PXK: variants seen among roughly 807,000 people sequenced by gnomAD.
PXK encodes PX domain-containing protein kinase-like protein.
A neutral mutation model predicts 84.7 loss-of-function variants in PXK; 35 were observed. The observed-to-expected ratio is 0.41, with a 90% confidence interval of 0.32 to 0.55. The LOEUF (loss-of-function observed/expected upper bound fraction) is 0.55. Ranked by LOEUF, PXK falls within the 20% of genes least tolerant of loss-of-function variation. The pLI is 0.21. For synonymous variants in PXK, 253 were observed against 260.8 expected, an observed-to-expected ratio of 0.97 and a Z score of 0.29; for missense variants, 634 against 699.7, an observed-to-expected ratio of 0.91 and a Z score of 1.06.
Position 58,376,305 on chromosome 3 carries a change from C to T in PXK, c.202-6209C>T, listed in dbSNP as rs141176567. ...TGGCAGGCACCTGTAATCCCACTTACTCGGGAGGCTGAGGCAGGAGAATTA... is the reference window on the plus strand; with the variant it reads ...TGGCAGGCACCTGTAATCCCACTTATTCGGGAGGCTGAGGCAGGAGAATTA... On this transcript the variant is annotated intron_variant, in intron 3 of 17. Transcript: ENST00000356151. Among the ~76,000 whole-genome samples the T allele has an allele frequency of 8.3e-3, 1,262 of 152,124 alleles. 19 individuals are homozygous for T. Among genetic ancestry groups the T allele is most frequent in the African/African-American group, 0.029 (1,208 of 41,450 alleles).
intron 17 of PXK, chr3:58,413,410 T>C (rs917558966): frequency 5.5e-5 from 9 of 163,398 alleles, no homozygotes; most frequent in Non-Finnish European, 9.3e-5. Flanking sequence ...AAAGAGTCAC[T>C]GCGTTTCTGA....
At chr3:58,417,404 AG>A (rs2061148747) in intron 17 of PXK, among the ~76,000 whole-genome samples, 1 of 152,192 alleles carries the variant, frequency 6.6e-6, no homozygotes, top group South Asian at 2.1e-4. Flanking sequence ...TCAGTTTCTA[AG>A]TGAAGGGGTC....
chr3:58,372,674 T>A (rs2098392723), intron 3 of PXK, among the ~76,000 whole-genome samples: 1 of 151,790 alleles, frequency 6.6e-6, no homozygotes, highest in Non-Finnish European at 1.5e-5. Context: ...TCACCCAAAC[T>A]GGAATGCAGT....
chr3:58,355,807 C>T (rs2098064700), intron 1 of PXK, among the ~76,000 whole-genome samples: 1 of 152,200 alleles, frequency 6.6e-6, no homozygotes, highest in Admixed American at 6.5e-5. Flanking sequence ...CTAGTGAGGA[C>T]TCCCACCTTT....
chr3:58,409,115 T>A lies in PXK; in HGVS notation c.1308+114T>A. 1.3e-6 allele frequency: 1 copy of A among 797,800 alleles called. No individual in the cohort carries two copies. Among genetic ancestry groups the A allele is most frequent in the Non-Finnish European group, 2.0e-6 (1 of 493,732 alleles). 49.4% of individuals were successfully genotyped at this position (797,800 alleles called of 1,614,324 possible). On this transcript the variant is annotated intron_variant, in intron 14 of 17. Transcript: ENST00000356151. This position sits in a 1 kb window ranked among gnomAD's most constrained non-coding sequence, Gnocchi z 4.2. ...GCAAATATTTTAAGCATACTTACTCTCAGCCAGCCTTTAGGCTAAATGCTT... is the reference window on the plus strand; with the variant it reads ...GCAAATATTTTAAGCATACTTACTCACAGCCAGCCTTTAGGCTAAATGCTT...
At chr3:58,358,915 T>C (rs911089498) in intron 1 of PXK, among the ~76,000 whole-genome samples, 1 of 152,252 alleles carries the variant, frequency 6.6e-6, no homozygotes, top group African/African-American at 2.4e-5. Context: ...CCAAACATTA[T>C]TGCTTGTTTT....
intron 7 of PXK, among the ~76,000 whole-genome samples, chr3:58,393,707 A>C (rs181160129): frequency 1.1e-3 from 172 of 152,360 alleles, no homozygotes; most frequent in African/African-American, 3.9e-3. Context: ...TAATTTCTTA[A>C]GGTAAATACC....
At chr3:58,339,253 C>T (rs1429048648) in intron 1 of PXK, among the ~76,000 whole-genome samples, 26 of 142,532 alleles carry the variant, frequency 1.8e-4, no homozygotes, top group Non-Finnish European at 3.2e-4. Context: ...TTTTTTTAGA[C>T]GTAGTCTTAC....
Position 58,425,694 on chromosome 3 carries a change from C to T in PXK, c.*734C>T, listed in dbSNP as rs1413648046. 4 of 152,150 alleles carry T rather than the reference C, an allele frequency of 2.6e-5. No individual in the cohort carries two copies. Among genetic ancestry groups the T allele is most frequent in the African/African-American group, 7.2e-5 (3 of 41,424 alleles). The allele number at this position is 152,150 out of a possible 1,614,324, so 9.4% of individuals were successfully genotyped here. On this transcript the variant is annotated 3_prime_UTR_variant, in exon 18 of 18. Coordinates refer to ENST00000356151, the MANE Select transcript of PXK (RefSeq NM_017771.5). ...CCAATTAGAGGATCTTCTTAATCCTCAGCAATTAAGTTTGGGGTTTGAGGG... is the reference window on the plus strand; with the variant it reads ...CCAATTAGAGGATCTTCTTAATCCTTAGCAATTAAGTTTGGGGTTTGAGGG...
Position 58,421,871 on chromosome 3 carries a change from C to A in PXK, c.1529-2881C>A, listed in dbSNP as rs978658210. On this transcript the variant is annotated intron_variant, in intron 17 of 17. Coordinates refer to ENST00000356151, the MANE Select transcript of PXK (RefSeq NM_017771.5). This position sits in a 1 kb window ranked among gnomAD's most constrained non-coding sequence, Gnocchi z 5.5. ...ACTGAAGGTAAGCTGTTTGCAGCAT[C>A]CCCCTTCCTGGGTGCAAATTCAGGT... 1 of 985,396 alleles carries A rather than the reference C, an allele frequency of 1.0e-6. No homozygotes were observed. Among genetic ancestry groups the A allele is most frequent in the Non-Finnish European group, 1.2e-6 (1 of 829,928 alleles). The allele number at this position is 985,396 out of a possible 1,614,324, so 61.0% of individuals were successfully genotyped here.
At position 58,412,583 on chromosome 3, in the gene PXK, G is replaced by A. The variant is rs879917890; in HGVS notation, c.1466-318G>A. Among the ~76,000 whole-genome samples, 9 of 152,140 alleles carry A rather than the reference G, an allele frequency of 5.9e-5. No individual in the cohort carries two copies. The highest frequency in any genetic ancestry group is 1.3e-4 in the Non-Finnish European group (9 of 68,034). On this transcript the variant is annotated intron_variant, in intron 16 of 17. Coordinates refer to ENST00000356151, the MANE Select transcript of PXK (RefSeq NM_017771.5). The surrounding 1 kb of genome is among the most constrained non-coding windows in gnomAD (Gnocchi z 6.2). The stretch of plus-strand genomic sequence containing the variant: ...CTGTCATTTGTCATTACCCAGGAGT[G>A]GAGGTTGCGTCAGGAAGAGATACTG...
chr3:58,402,118 G>A (rs2058667774), intron 12 of PXK, among the ~76,000 whole-genome samples: 1 of 151,958 alleles, frequency 6.6e-6, no homozygotes, highest in African/African-American at 2.4e-5. Flanking sequence ...TAGCTGTTTG[G>A]GTGCTACCCA....
intron 1 of PXK, among the ~76,000 whole-genome samples, chr3:58,341,667 C>T (rs1398490301): frequency 2.0e-5 from 3 of 152,190 alleles, no homozygotes; most frequent in East Asian, 3.9e-4. Context: ...GTTGTGTATT[C>T]ATCACCATAA....
At position 58,399,309 on chromosome 3, in the gene PXK, G is replaced by A. The variant is rs751061183; in HGVS notation, c.1113G>A (p.Leu371=). Residue 371 remains leucine, a synonymous_variant, in exon 12 of 18, where the codon TTG becomes TTA. Transcript: ENST00000356151. This position sits in a 1 kb window ranked among gnomAD's most constrained non-coding sequence, Gnocchi z 4.3. The part of the protein sequence containing the change: ...PAPSMAVVAV[L]ESTLSCEACK... Reference sequence around the variant, plus strand: ...TCTGTTCATTTCAAGTGGCCGTGTTGGAGTCTACGCTGTCTTGTGAAGCCT... The same window carrying A: ...TCTGTTCATTTCAAGTGGCCGTGTTAGAGTCTACGCTGTCTTGTGAAGCCT... 6.2e-7 allele frequency: 1 copy of A among 1,613,934 alleles called. No individual in the cohort carries two copies. The highest frequency in any genetic ancestry group is 8.5e-7 in the Non-Finnish European group (1 of 1,179,962).
chr3:58,350,530 C>T (rs2097902679), intron 1 of PXK, among the ~76,000 whole-genome samples: 1 of 152,128 alleles, frequency 6.6e-6, no homozygotes, highest in Non-Finnish European at 1.5e-5. Flanking sequence ...AGTATTGTGT[C>T]CAAGGGCATA....
At chr3:58,395,394 C>T (rs892287026) in intron 8 of PXK, among the ~76,000 whole-genome samples, 10 of 152,300 alleles carry the variant, frequency 6.6e-5, no homozygotes, top group African/African-American at 2.2e-4. Context: ...CAAAGCAGTT[C>T]TGAAGAATTC....
intron 1 of PXK, among the ~76,000 whole-genome samples, chr3:58,338,837 C>T (rs1367511049): frequency 6.6e-6 from 1 of 151,842 alleles, no homozygotes; most frequent in Non-Finnish European, 1.5e-5. Context: ...CGCCCACCAC[C>T]ACACCCGGCT....
intron 1 of PXK, among the ~76,000 whole-genome samples, chr3:58,351,598 A>C (rs779901435): frequency 6.6e-6 from 1 of 152,056 alleles, no homozygotes; most frequent in Non-Finnish European, 1.5e-5. Context: ...TTTAAATTAC[A>C]TGTGTAGCAA....
rs181685393 is a variant in PXK, at chr3:58,414,535, C to G, written c.1528+1572C>G. The G allele has an allele frequency of 6.6e-6, 1 of 152,216 alleles. No individual in the cohort carries two copies. The highest frequency in any genetic ancestry group is 6.5e-5 in the Admixed American group (1 of 15,292). The allele number at this position is 152,216 out of a possible 1,614,324, so 9.4% of individuals were successfully genotyped here. On this transcript the variant is annotated intron_variant, in intron 17 of 17. Coordinates refer to ENST00000356151, the MANE Select transcript of PXK (RefSeq NM_017771.5). This position sits in a 1 kb window ranked among gnomAD's most constrained non-coding sequence, Gnocchi z 4.5. ...TAGAATGAGAGAAAAAAAGAGGAATCTTGTATAATTAGAGTCAATGTTGGG... is the reference window on the plus strand; with the variant it reads ...TAGAATGAGAGAAAAAAAGAGGAATGTTGTATAATTAGAGTCAATGTTGGG...
Sources: allele counts gnomAD v4.1 joint callset (sites outside exome capture counted in the v4.1 genomes callset), GRCh38; gene constraint gnomAD v4.1.1; non-coding constraint Gnocchi (gnomAD v3.1); transcripts MANE v1.5; gene names NCBI Gene and HGNC (gene_info 2026-07-23, HGNC 2026-07-21).